Variants in BRD4 observed in about 807,000 individuals in gnomAD.
The protein encoded by BRD4 is bromodomain-containing protein 4.
In BRD4, 16 loss-of-function variants were observed where a neutral mutation model predicts 142.1. The observed-to-expected ratio is 0.11, with a 90% CI of 0.08 to 0.17. BRD4 has a LOEUF of 0.17. Among genes scored for constraint, BRD4 ranks in the 10% least tolerant of loss-of-function variants. The pLI, the probability that BRD4 is intolerant of heterozygous loss-of-function variation, is 1.00. For synonymous variants in BRD4, 833 were observed against 707.5 expected, an observed-to-expected ratio of 1.18 and a Z score of -2.82; for missense variants, 1,424 against 1,810.9, an observed-to-expected ratio of 0.79 and a Z score of 3.88.
chr19:15,288,833 A>T (rs551909860), intron 1 of BRD4, among the ~76,000 whole-genome samples: 1 of 152,266 alleles, frequency 6.6e-6, no homozygotes, highest in African/African-American at 2.4e-5. Flanking sequence ...CACCAGAGAG[A>T]ACACGCAACA....
At chr19:15,326,723 T>C (rs540016028) in intron 1 of BRD4, among the ~76,000 whole-genome samples, 1 of 152,230 alleles carries the variant, frequency 6.6e-6, no homozygotes, top group African/African-American at 2.4e-5. Flanking sequence ...GTTATTCCTC[T>C]TCAGGACGAG....
chr19:15,331,430 A>G (rs2048157230), intron 1 of BRD4, among the ~76,000 whole-genome samples: 2 of 152,162 alleles, frequency 1.3e-5, no homozygotes, highest in Non-Finnish European at 2.9e-5. Flanking sequence ...ACCACCACAC[A>G]ACACTGCAAA....
intron 1 of BRD4, among the ~76,000 whole-genome samples, chr19:15,281,604 T>C (rs906589956): frequency 2.0e-5 from 3 of 152,238 alleles, no homozygotes; most frequent in African/African-American, 7.2e-5. Context: ...GGATCCATTG[T>C]TACATGTGGG....
At position 15,238,934 on chromosome 19, in the gene BRD4, C is replaced by T. The variant is rs2145498637; in HGVS notation, c.3829G>A (p.Glu1277Lys). Residue 1277 changes from glutamate to lysine, a missense_variant, in exon 19 of 20, where the codon GAG (glutamate) becomes AAG (lysine). Around this residue, in one of 16 missense-constraint regions of BRD4, gnomAD observed 109 missense variants for 117.9 expected, o/e 0.92. Transcript: ENST00000679869. The surrounding 1 kb of genome is among the most constrained non-coding windows in gnomAD (Gnocchi z 7.2). ...TGCTCCTGGCGCCGACGTGCCTCCT[C>T]ATGGGCCCGCCGGGCCTGCTCCAGC... The part of the protein sequence containing the change: ...DALEQARRAH[E>K]EARRRQEQQQ... The T allele has an allele frequency of 1.3e-6, 2 of 1,598,702 alleles. No individual in the cohort carries two copies. The highest frequency in any genetic ancestry group is 8.5e-7 in the Non-Finnish European group (1 of 1,175,066).
At chr19:15,331,211 G>A (rs1215667540) in intron 1 of BRD4, among the ~76,000 whole-genome samples, 1 of 152,190 alleles carries the variant, frequency 6.6e-6, no homozygotes, top group Non-Finnish European at 1.5e-5. Context: ...CCACCCAGGA[G>A]AAGCACATGA....
rs547016160 is a variant in BRD4, at chr19:15,244,105, G to T, written c.2581+126C>A. The T allele has an allele frequency of 2.5e-4, 373 of 1,509,736 alleles. No homozygotes were observed. In the African/African-American group the frequency reaches 4.8e-3, roughly 19 times the overall value. 93.5% of individuals were successfully genotyped at this position (1,509,736 alleles called of 1,614,324 possible). A position where few individuals can be genotyped will look rare whatever the true frequency, so the allele number is the denominator to read the frequency against. ...TCCAAGATGGCCTCGAGAAGCCACA[G>T]ATCTTCCCTCTAGAGACCAGAGCAG... On this transcript the variant is annotated intron_variant, in intron 13 of 19. Transcript: ENST00000679869.
In BRD4 at chr19:15,254,168, G is replaced by C; in HGVS notation, c.2142C>G (p.Ser714Arg). Residue 714 changes from serine (S) to arginine (R), a missense_variant, in exon 11 of 20, where the codon AGC becomes AGG. This residue lies in a region of BRD4 where 598 missense variants were observed against 647.8 expected (regional missense o/e 0.92). Transcript: ENST00000679869. Reference protein sequence around the residue: ...ESSSESSSSDSEDSETEMAPK... With the variant: ...ESSSESSSSDREDSETEMAPK... ...TCACCTAACCTGTTTCGGAGTCTTC[G>C]CTGTCAGAGGAGCTGGACTCACTGG... 6.2e-7 allele frequency: 1 copy of C among 1,614,098 alleles called. No homozygotes were observed. The highest frequency in any genetic ancestry group is 1.1e-5 in the South Asian group (1 of 91,082).
At chr19:15,270,282 G>T (rs115840953) in intron 2 of BRD4, among the ~76,000 whole-genome samples, 95 of 152,314 alleles carry the variant, frequency 6.2e-4, no homozygotes, top group African/African-American at 2.3e-3. Flanking sequence ...TGGGGTTTTT[G>T]AGATGTTCTG....
rs201937726 is a variant in BRD4 at position 15,256,110 on chromosome 19, G to C, written c.1705C>G (p.Pro569Ala). 4.3e-6 allele frequency: 7 copies of C among 1,611,822 alleles called. No individual in the cohort carries two copies. The highest frequency in any genetic ancestry group is 1.1e-5 in the South Asian group (1 of 90,938). ...TTATTTTTCTTCGTCTTTTTAGGAG[G>C]AGGTTCCTTGGCTTTGCTTTTTTTA... Reference protein sequence around the residue: ...ENKKSKAKEPPPKKTKKNNSS... With the variant: ...ENKKSKAKEPAPKKTKKNNSS... The change falls in exon 9 of 20, where the codon CCT (proline) becomes GCT (alanine). Residue 569 changes from proline (P) to alanine (A), a missense_variant. This residue lies in a region of BRD4 where 86 missense variants were observed against 78.9 expected (regional missense o/e 1.09). Transcript: ENST00000679869.
At chr19:15,293,391 A>G (rs145714720) in intron 1 of BRD4, among the ~76,000 whole-genome samples, 1 of 152,312 alleles carries the variant, frequency 6.6e-6, no homozygotes, top group Non-Finnish European at 1.5e-5. Flanking sequence ...TCATAAGCAG[A>G]CCATTAAAAG....
At chr19:15,326,962 C>G (rs190007201) in intron 1 of BRD4, among the ~76,000 whole-genome samples, 4 of 152,314 alleles carry the variant, frequency 2.6e-5, no homozygotes, top group Non-Finnish European at 5.9e-5. Flanking sequence ...CTCTATGGAG[C>G]AGCATTTCAA....
chr19:15,255,199 A>T, intron 10 of BRD4, 98 bp downstream of exon 10: 2 of 1,069,052 alleles, frequency 1.9e-6, no homozygotes, highest in Non-Finnish European at 2.6e-6. Context: ...GAAAAAAAAA[A>T]GGGGGGGGGC....
At chr19:15,274,572 C>T (rs2047625744) in intron 1 of BRD4, among the ~76,000 whole-genome samples, 1 of 152,218 alleles carries the variant, frequency 6.6e-6, no homozygotes, top group African/African-American at 2.4e-5. Flanking sequence ...CAGGAGCAGC[C>T]CAGCCACAAG....
chr19:15,316,414 AC>A (rs1166585087), intron 1 of BRD4, among the ~76,000 whole-genome samples: 2 of 151,842 alleles, frequency 1.3e-5, no homozygotes, highest in African/African-American at 4.8e-5. Flanking sequence ...ACGTGGTGAA[AC>A]CCTGTCTCTA....
intron 1 of BRD4, among the ~76,000 whole-genome samples, chr19:15,293,684 T>C (rs189670558): frequency 1.1e-4 from 16 of 152,340 alleles, no homozygotes; most frequent in African/African-American, 3.8e-4. Context: ...TCCGCCATTT[T>C]AACCATTTTT....
intron 11 of BRD4, chr19:15,253,063 G>A (rs1486739637): frequency 4.1e-6 from 1 of 245,090 alleles, no homozygotes; most frequent in East Asian, 6.1e-5. Context: ...GGGAGAACAT[G>A]CAGGAGTCTA....
At chr19:15,303,632 G>A (rs780651122) in intron 1 of BRD4, among the ~76,000 whole-genome samples, 2 of 152,182 alleles carry the variant, frequency 1.3e-5, no homozygotes, top group African/African-American at 4.8e-5. Flanking sequence ...GAAAAAGGCT[G>A]CCCAGCATTC....
rs139263497 is a variant in BRD4, at chr19:15,296,288, A to G, written c.-34-23155T>C. ...AAAAAAGAATCCCGAAGACTCCTGG[A>G]TAAGAAGCAAGGCTGCGAGATACAC... On this transcript the variant is annotated intron_variant, in intron 1 of 19. Coordinates refer to ENST00000679869, the MANE Select transcript of BRD4 (RefSeq NM_001379291.1). 2.9e-3 allele frequency among the ~76,000 whole-genome samples: 445 copies of G among 152,314 alleles called. 2 individuals are homozygous for G. The highest frequency in any genetic ancestry group is 5.0e-3 in the Non-Finnish European group (342 of 68,018).
chr19:15,244,631 G>A lies in BRD4; in HGVS notation c.2212-31C>T, dbSNP rs200128169. 3 of 1,613,740 alleles carry A rather than the reference G, an allele frequency of 1.9e-6. No individual in the cohort carries two copies. In the African/African-American group the frequency reaches 4.0e-5, roughly 22 times the overall value. The stretch of plus-strand genomic sequence containing the variant: ...GACAGAGAGACAGACAGACAGACAG[G>A]CTGATGTCAGGCAGGCAGAACTGGC... On this transcript the variant is annotated intron_variant, in intron 12 of 19. Transcript: ENST00000679869.
Sources: allele counts gnomAD v4.1 joint callset (sites outside exome capture counted in the v4.1 genomes callset), GRCh38; gene constraint gnomAD v4.1.1; regional missense constraint gnomAD v4.1.1; non-coding constraint Gnocchi (gnomAD v3.1); transcripts MANE v1.5; gene names NCBI Gene and HGNC (gene_info 2026-07-23, HGNC 2026-07-21).